The following UROC1 variants were observed in gnomAD, a reference collection of about 807,000 sequenced individuals.
UROC1 encodes the protein urocanate hydratase.
Under a neutral mutation model 89.5 loss-of-function variants are expected in UROC1, and 79 were observed. That is an observed-to-expected ratio of 0.88 (90% CI 0.74 to 1.06). The LOEUF (loss-of-function observed/expected upper bound fraction) is 1.06. Among genes scored for constraint, UROC1 ranks in the 50% least tolerant of loss-of-function variants. UROC1 has a pLI of 0.00. For synonymous variants in UROC1, 361 were observed against 354.8 expected (o/e 1.02, Z -0.20); for missense variants, 885 against 907.8 (o/e 0.97, Z 0.32).
intron 1 of UROC1, among the ~76,000 whole-genome samples, chr3:126,514,960 C>A (rs907383894): frequency 6.6e-6 from 1 of 151,954 alleles, no homozygotes; most frequent in Non-Finnish European, 1.5e-5. Context: ...TAAAGATCAA[C>A]GAAACACATT....
At chr3:126,487,118 T>C (rs1188375511) in intron 18 of UROC1, among the ~76,000 whole-genome samples, 3 of 152,182 alleles carry the variant, frequency 2.0e-5, no homozygotes, top group Non-Finnish European at 4.4e-5. Context: ...GGCCCTGCTG[T>C]CCCTGCCCTA....
Position 126,505,818 on chromosome 3 carries a change from C to A in UROC1, c.696G>T (p.Arg232=), listed in dbSNP as rs1412806636. Reference sequence around the variant, plus strand: ...CAGCCAAGTCCTCGATGCCCAGGTACCGACGTGCAGCATTCAACACGGTGA... The same window carrying A: ...CAGCCAAGTCCTCGATGCCCAGGTAACGACGTGCAGCATTCAACACGGTGA... The part of the protein sequence containing the change: ...TVLTVLNAAR[R]YLGIEDLAGK... Residue 232 remains arginine (R), a synonymous_variant, in exon 8 of 20, where the codon CGG becomes CGT. Coordinates refer to ENST00000290868, the MANE Select transcript of UROC1 (RefSeq NM_144639.3). 1 of 1,613,750 alleles carries A rather than the reference C, an allele frequency of 6.2e-7. No homozygotes were observed. The highest frequency in any genetic ancestry group is 1.3e-5 in the African/African-American group (1 of 74,936).
chr3:126,501,979 T>C, intron 9 of UROC1: 1 of 1,550,232 alleles, frequency 6.5e-7, no homozygotes, highest in Non-Finnish European at 8.7e-7. Context: ...GCTCACTCCA[T>C]TCCCATGGGT....
chr3:126,514,458 G>A (rs1231949541), intron 1 of UROC1, among the ~76,000 whole-genome samples: 7 of 152,150 alleles, frequency 4.6e-5, no homozygotes, highest in South Asian at 2.1e-4. Flanking sequence ...TGTGTCGGGC[G>A]CATGCTGAGA....
At chr3:126,509,454 T>A (rs1936147817) in intron 3 of UROC1, 131 bp downstream of exon 3, 1 of 886,064 alleles carries the variant, frequency 1.1e-6, no homozygotes, top group Non-Finnish European at 1.8e-6. Flanking sequence ...GCCAGGGACC[T>A]CTCTTACTAG....
rs1275247318 is a variant in UROC1, at chr3:126,508,429, C to A, written c.398G>T (p.Ser133Ile). ...GGTGTGCAGTACCTGAGCCCAGTTG[C>A]TGAACACCTGCCCATTTCCTCCATA... The part of the protein sequence containing the change: ...VTYGGNGQVF[S>I]NWAQFWLTMF... The change falls in exon 4 of 20, where the codon AGC (serine) becomes ATC (isoleucine). Residue 133 changes from serine to isoleucine, a missense_variant. Ser to Ile is a moderately radical substitution (Grantham distance 142). Coordinates refer to ENST00000290868, the MANE Select transcript of UROC1 (RefSeq NM_144639.3). 16 of 1,613,982 alleles carry A rather than the reference C, an allele frequency of 9.9e-6. No homozygotes were observed. The highest frequency in any genetic ancestry group is 1.1e-5 in the Non-Finnish European group (13 of 1,179,968).
chr3:126,484,075 G>A (rs1301916918), intron 18 of UROC1, among the ~76,000 whole-genome samples: 1 of 152,056 alleles, frequency 6.6e-6, no homozygotes. Context: ...TGCCTCAAGT[G>A]TATGGGGGGT....
chr3:126,481,983 G>A lies in UROC1; in HGVS notation c.*362C>T, dbSNP rs79866827. On this transcript the variant is annotated 3_prime_UTR_variant, in exon 20 of 20. Transcript: ENST00000290868. ...GGGCAGCAGACAGACAGAGTTGCAT[G>A]GAGGCTGGCAGGTGGCCAGGAAGCA... 0.027 allele frequency: 8,743 copies of A among 326,358 alleles called. 746 individuals carry two copies. Among genetic ancestry groups the A allele is most frequent in the African/African-American group, 0.17 (8,211 of 47,266 alleles). 20.2% of individuals were successfully genotyped at this position (326,358 alleles called of 1,614,324 possible). A position where few individuals can be genotyped will look rare whatever the true frequency, so the allele number is the denominator to read the frequency against.
At chr3:126,493,921 C>T (rs1320211825) in intron 15 of UROC1, among the ~76,000 whole-genome samples, 12 of 152,216 alleles carry the variant, frequency 7.9e-5, no homozygotes. Context: ...AGCAGCTGTG[C>T]ACCTGACCGC....
intron 5 of UROC1, 24 bp from the exon 6 acceptor site, chr3:126,507,827 C>A: frequency 6.2e-7 from 1 of 1,614,012 alleles, no homozygotes. Flanking sequence ...TGGGGGCAGA[C>A]AGAGGGGCTG....
chr3:126,483,056 G>A (rs1935425536), intron 19 of UROC1, among the ~76,000 whole-genome samples: 1 of 152,124 alleles, frequency 6.6e-6, no homozygotes, highest in Admixed American at 6.5e-5. Flanking sequence ...TGAGTCTCCT[G>A]CCAGCACCCT....
At chr3:126,515,633 C>A (rs1936293167) in intron 1 of UROC1, among the ~76,000 whole-genome samples, 1 of 77,638 alleles carries the variant, frequency 1.3e-5, no homozygotes, top group Non-Finnish European at 2.6e-5. Context: ...ATCCCCCAAC[C>A]CCCAGCACCC....
chr3:126,496,198 C>A, intron 14 of UROC1, 90 bp from the exon 15 acceptor site: 1 of 1,304,768 alleles, frequency 7.7e-7, no homozygotes, highest in Non-Finnish European at 1.1e-6. Context: ...CAGACCCTGC[C>A]CCGAGCCCAC....
At chr3:126,483,531 A>G (rs1386800523) in intron 18 of UROC1, 63 bp from the exon 19 acceptor site, 3 of 1,504,728 alleles carry the variant, frequency 2.0e-6, no homozygotes, top group African/African-American at 2.7e-5. Flanking sequence ...GAGCAGGCAG[A>G]AGCCCATGTT....
intron 9 of UROC1, among the ~76,000 whole-genome samples, chr3:126,502,115 T>G (rs564342873): frequency 1.3e-5 from 2 of 152,314 alleles, no homozygotes; most frequent in East Asian, 3.9e-4. Flanking sequence ...TGTACATATA[T>G]ATGTATATAT....
rs148807469 is a variant in UROC1 at position 126,507,322 on chromosome 3, G to A, written c.602+420C>T. ...AAACATAAACAAACGTTGAATTCCC[G>A]TCAGTAATATTTTCAATTGACTGTG... On this transcript the variant is annotated intron_variant, in intron 6 of 19. Transcript: ENST00000290868. Among the ~76,000 whole-genome samples the A allele has an allele frequency of 1.6e-3, 236 of 149,184 alleles. 1 individual carries two copies. The East Asian group carries it at 0.019, about 12-fold the overall frequency.
chr3:126,517,260 T>C (rs970570356), intron 1 of UROC1, among the ~76,000 whole-genome samples: 1 of 152,122 alleles, frequency 6.6e-6, no homozygotes, highest in African/African-American at 2.4e-5. Flanking sequence ...TTCTGAGTGT[T>C]GGGGTGGACG....
At chr3:126,491,055 G>A (rs562964528) in intron 16 of UROC1, among the ~76,000 whole-genome samples, 1 of 152,316 alleles carries the variant, frequency 6.6e-6, no homozygotes, top group African/African-American at 2.4e-5. Context: ...GCTCTTGAAT[G>A]AAGAGGTCTG....
chr3:126,517,475 G>C, intron 1 of UROC1, 119 bp downstream of exon 1: 4 of 1,496,450 alleles, frequency 2.7e-6, no homozygotes, highest in South Asian at 1.2e-5. Context: ...AGCCCCTGGA[G>C]TCCAGGGTGG....
Sources: gnomAD v4.1 joint callset for allele counts (sites outside exome capture counted in the v4.1 genomes callset) on GRCh38, gnomAD v4.1.1 for gene constraint, MANE v1.5 for transcripts, NCBI Gene and HGNC (gene_info 2026-07-23, HGNC 2026-07-21) for gene names.